The following PTDSS2 variants were observed in gnomAD, a reference collection of about 807,000 sequenced individuals.
The protein encoded by PTDSS2 is PSS-2.
Under a neutral mutation model 64.7 loss-of-function variants are expected in PTDSS2, and 41 were observed. That is an observed-to-expected ratio of 0.63 (90% CI 0.49 to 0.82). The LOEUF (loss-of-function observed/expected upper bound fraction) is 0.82. Ranked by LOEUF, PTDSS2 falls within the 40% of genes least tolerant of loss-of-function variation. The probability of loss-of-function intolerance (pLI) is 0.00; values close to 1 mark genes in which losing one functional copy is unlikely to be tolerated. For synonymous variants in PTDSS2, 297 were observed against 277.8 expected (o/e 1.07, Z -0.69); for missense variants, 485 against 650.0 (o/e 0.75, Z 2.76).
At position 486,833 on chromosome 11, in the gene PTDSS2, G is replaced by A. The variant is rs557382611; in HGVS notation, c.436-106G>A. The A allele has an allele frequency of 4.2e-6, 6 of 1,426,540 alleles. No homozygotes were observed. The East Asian group carries it at 1.2e-4, about 28-fold the overall frequency. 88.4% of individuals were successfully genotyped at this position (1,426,540 alleles called of 1,614,324 possible). Reference sequence around the variant, plus strand: ...ACTGCATTCCAGCCTGGGCGACAGAGCGAGACTCCATCTCAAAAAAATAAA... The same window carrying A: ...ACTGCATTCCAGCCTGGGCGACAGAACGAGACTCCATCTCAAAAAAATAAA... On this transcript the variant is annotated intron_variant, in intron 4 of 11. Coordinates refer to ENST00000308020, the MANE Select transcript of PTDSS2 (RefSeq NM_030783.3).
Position 479,167 on chromosome 11 carries a change from T to C in PTDSS2, c.435+15T>C. ...TACTCTTCCAGGTAAGCTGTTTTTCTGGGTTGGATACCTGGGAACTTAGGT... is the reference window on the plus strand; with the variant it reads ...TACTCTTCCAGGTAAGCTGTTTTTCCGGGTTGGATACCTGGGAACTTAGGT... On this transcript the variant is annotated intron_variant, in intron 4 of 11. Transcript: ENST00000308020. The surrounding 1 kb of genome is among the most constrained non-coding windows in gnomAD (Gnocchi z 4.2). 6.2e-7 allele frequency: 1 copy of C among 1,609,828 alleles called. No individual in the cohort carries two copies. Among genetic ancestry groups the C allele is most frequent in the Non-Finnish European group, 8.5e-7 (1 of 1,176,006 alleles).
intron 2 of PTDSS2, among the ~76,000 whole-genome samples, chr11:467,988 T>TA (rs1847217706): frequency 6.6e-6 from 1 of 151,670 alleles, no homozygotes. Flanking sequence ...CTAAAAAACT[T>TA]AGCCGAGTGT....
At position 470,072 on chromosome 11, in the gene PTDSS2, C is replaced by T. The variant is rs906104614; in HGVS notation, c.285-3823C>T. Reference sequence around the variant, plus strand: ...AGGTTTTCAGTAAATGAGGTAGATCCCCCCATTCCAGGAGCTGGCGTGAGC... The same window carrying T: ...AGGTTTTCAGTAAATGAGGTAGATCTCCCCATTCCAGGAGCTGGCGTGAGC... On this transcript the variant is annotated intron_variant, in intron 2 of 11. Transcript: ENST00000308020. The surrounding 1 kb of genome is among the most constrained non-coding windows in gnomAD (Gnocchi z 5.3). 3.9e-5 allele frequency among the ~76,000 whole-genome samples: 6 copies of T among 152,166 alleles called. No homozygotes were observed. The South Asian group carries it at 1.2e-3, about 32-fold the overall frequency.
At chr11:489,771 G>A (rs768181144) in intron 10 of PTDSS2, 38 bp downstream of exon 10, 1 of 1,592,768 alleles carries the variant, frequency 6.3e-7, no homozygotes. Context: ...ACACCCCCGG[G>A]GGGCAGGGGC....
intron 3 of PTDSS2, among the ~76,000 whole-genome samples, chr11:478,370 G>A (rs2133814412): frequency 6.6e-6 from 1 of 151,970 alleles, no homozygotes; most frequent in African/African-American, 2.4e-5. Context: ...CAGGTAGGAG[G>A]ATTGCTTGAG....
intron 2 of PTDSS2, among the ~76,000 whole-genome samples, chr11:472,529 G>C (rs552391351): frequency 1.3e-5 from 2 of 152,342 alleles, no homozygotes; most frequent in East Asian, 3.9e-4. Flanking sequence ...GTCCTGCCGA[G>C]GGTGAGACCC....
At chr11:455,169 GA>G (rs1564958963) in intron 1 of PTDSS2, among the ~76,000 whole-genome samples, 2 of 152,328 alleles carry the variant, frequency 1.3e-5, no homozygotes, top group African/African-American at 2.4e-5. Flanking sequence ...TCCTCACGTT[GA>G]TCTAGCTTCT....
chr11:467,446 C>T (rs934084330), intron 2 of PTDSS2, among the ~76,000 whole-genome samples: 1 of 152,228 alleles, frequency 6.6e-6, no homozygotes, highest in African/African-American at 2.4e-5. Flanking sequence ...TTCACAGACT[C>T]TCACAGAACT....
In PTDSS2 at chr11:479,301, G is replaced by T; in HGVS notation, c.435+149G>T. On this transcript the variant is annotated intron_variant, in intron 4 of 11. Transcript: ENST00000308020. The surrounding 1 kb of genome is among the most constrained non-coding windows in gnomAD (Gnocchi z 4.2). ...CACAAAGTAGGCCGAGCTGCGGGGGGTCTCCAGGAGCATCTGTGCGGCCCT... is the reference window on the plus strand; with the variant it reads ...CACAAAGTAGGCCGAGCTGCGGGGGTTCTCCAGGAGCATCTGTGCGGCCCT... 1.3e-6 allele frequency: 1 copy of T among 748,496 alleles called. No homozygotes were observed. Among genetic ancestry groups the T allele is most frequent in the Non-Finnish European group, 2.4e-6 (1 of 416,708 alleles). The allele number at this position is 748,496 out of a possible 1,614,324, so 46.4% of individuals were successfully genotyped here.
At chr11:459,838 C>T (rs1368880035) in intron 1 of PTDSS2, 2 of 271,610 alleles carry the variant, frequency 7.4e-6, no homozygotes, top group Admixed American at 4.8e-5. Context: ...GCTTGTCTTG[C>T]GCAGTGAAAA....
At chr11:465,763 C>A (rs79808876) in intron 2 of PTDSS2, among the ~76,000 whole-genome samples, 14,988 of 150,872 alleles carry the variant, frequency 0.099, 1,053 homozygotes, top group Admixed American at 0.19. Context: ...ACCCCCCCCC[C>A]ATCTCTACTA....
chr11:458,804 A>T (rs1472273962), intron 1 of PTDSS2: 1 of 152,170 alleles, frequency 6.6e-6, no homozygotes, highest in Non-Finnish European at 1.5e-5. Flanking sequence ...GTTTTATCAG[A>T]TATATGTATT....
intron 4 of PTDSS2, among the ~76,000 whole-genome samples, chr11:481,047 G>A (rs1848047881): frequency 6.7e-6 from 1 of 150,332 alleles, no homozygotes; most frequent in Non-Finnish European, 1.5e-5. Flanking sequence ...TCACGCCACT[G>A]CACTCCAGCC....
At chr11:465,447 A>G (rs1007954319) in intron 2 of PTDSS2, among the ~76,000 whole-genome samples, 1 of 152,232 alleles carries the variant, frequency 6.6e-6, no homozygotes, top group African/African-American at 2.4e-5. Flanking sequence ...TGCTGGGATT[A>G]CAGATGTGAG....
chr11:449,608 G>A (rs1846229714), upstream of PTDSS2, among the ~76,000 whole-genome samples: 2 of 152,158 alleles, frequency 1.3e-5, no homozygotes, highest in Non-Finnish European at 2.9e-5. Context: ...AAATCAGCGT[G>A]TCCGCACCAT....
chr11:457,829 G>A (rs1244514303), intron 1 of PTDSS2, among the ~76,000 whole-genome samples: 1 of 152,198 alleles, frequency 6.6e-6, no homozygotes, highest in Non-Finnish European at 1.5e-5. Flanking sequence ...GATAGCAGAC[G>A]TAGCATAGGC....
rs989637571 is a variant in PTDSS2 at position 476,159 on chromosome 11, C to A, written c.367+2182C>A. Among the ~76,000 whole-genome samples, 2 of 152,208 alleles carry A rather than the reference C, an allele frequency of 1.3e-5. No homozygotes were observed. The highest frequency in any genetic ancestry group is 2.9e-5 in the Non-Finnish European group (2 of 68,042). The stretch of plus-strand genomic sequence containing the variant: ...GAGAGAGGGCTCCTTGAGTGCCTGG[C>A]AGGCCACTCTGCTGGCTGACAGCTG... On this transcript the variant is annotated intron_variant, in intron 3 of 11. Transcript: ENST00000308020. This position sits in a 1 kb window ranked among gnomAD's most constrained non-coding sequence, Gnocchi z 4.9.
intron 3 of PTDSS2, among the ~76,000 whole-genome samples, 172 bp downstream of exon 3, chr11:474,149 C>T (rs942726391): frequency 5.9e-5 from 9 of 152,144 alleles, no homozygotes; most frequent in East Asian, 1.9e-4. Flanking sequence ...CTGAGCTGGC[C>T]GTGTGCTCCT....
intron 4 of PTDSS2, among the ~76,000 whole-genome samples, chr11:484,574 G>T (rs1848211020): frequency 6.7e-6 from 1 of 149,030 alleles, no homozygotes; most frequent in Admixed American, 6.7e-5. Flanking sequence ...TCACTGCGCA[G>T]GCATCTGTAA....
Sources: gnomAD v4.1 joint callset for allele counts (sites outside exome capture counted in the v4.1 genomes callset) on GRCh38, gnomAD v4.1.1 for gene constraint, Gnocchi (gnomAD v3.1) non-coding constraint, MANE v1.5 for transcripts, NCBI Gene and HGNC (gene_info 2026-07-23, HGNC 2026-07-21) for gene names.